Variants in IQCJ observed in about 807,000 individuals in gnomAD.
IQCJ encodes IQ domain-containing protein J.
Under a neutral mutation model 11.0 loss-of-function variants are expected in IQCJ, and 9 were observed. That is an observed-to-expected ratio of 0.82 (90% CI 0.49 to 1.43). The LOEUF (loss-of-function observed/expected upper bound fraction) is 1.43. Ranked by LOEUF, IQCJ falls within the 40% of genes most tolerant of loss-of-function variation. The probability of loss-of-function intolerance (pLI) is 0.00; values close to 1 mark genes in which losing one functional copy is unlikely to be tolerated. For missense variants in IQCJ, 146 were observed against 133.2 expected (o/e 1.10, Z -0.47); for synonymous variants, 55 against 51.3 (o/e 1.07, Z -0.31).
At chr3:159,091,673 T>TGCGCGCGC (rs1717315003) in intron 1 of IQCJ, among the ~76,000 whole-genome samples, 6 of 11,022 alleles carry the variant, frequency 5.4e-4, no homozygotes, top group African/African-American at 9.8e-4. Context: ...CACACACGCA[T>TGCGCGCGC]GCACACACAC....
intron 1 of IQCJ, among the ~76,000 whole-genome samples, chr3:159,184,548 G>T (rs1363672473): frequency 6.6e-6 from 1 of 152,040 alleles, no homozygotes; most frequent in Non-Finnish European, 1.5e-5. Context: ...CTTTTTAGCT[G>T]GTGTATTCCC....
At chr3:159,187,136 T>C (rs776831965) in intron 1 of IQCJ, among the ~76,000 whole-genome samples, 1 of 152,244 alleles carries the variant, frequency 6.6e-6, no homozygotes, top group Non-Finnish European at 1.5e-5. Context: ...TCAGCATTTA[T>C]TTTATTCAGC....
intron 3 of IQCJ, among the ~76,000 whole-genome samples, chr3:159,253,613 AC>A (rs1727727615): frequency 9.8e-5 from 2 of 20,398 alleles, no homozygotes; most frequent in African/African-American, 2.2e-4. Context: ...CCTCACAAAC[AC>A]ACACACACAC....
chr3:159,258,499 T>G (rs1171715140), intron 3 of IQCJ, among the ~76,000 whole-genome samples: 2 of 152,144 alleles, frequency 1.3e-5, no homozygotes, highest in Admixed American at 6.5e-5. Context: ...TCTACCCATG[T>G]GATAATCATG....
chr3:159,129,242 A>G (rs1719853032), intron 1 of IQCJ, among the ~76,000 whole-genome samples: 1 of 152,162 alleles, frequency 6.6e-6, no homozygotes, highest in Non-Finnish European at 1.5e-5. Flanking sequence ...ACTAGCAGAA[A>G]GTTGGGATGA....
chr3:159,262,580 G>C lies in IQCJ; in HGVS notation c.188G>C (p.Arg63Pro). 1 of 1,613,802 alleles carries C rather than the reference G, an allele frequency of 6.2e-7. No homozygotes were observed. ...IQRAWREYLQ[R>P]QEPLGKRSPS... ...CGAGCATGGCGAGAGTACCTGCAGC[G>C]GCAGGAGCCCCTGGGGAAGAGGAGC... The change falls in exon 4 of 4, where the codon CGG becomes CCG. Residue 63 changes from arginine (R) to proline (P), a missense_variant. Physicochemically the swap from Arg to Pro is moderately radical, Grantham distance 103. Transcript: ENST00000397832.
intron 1 of IQCJ, among the ~76,000 whole-genome samples, chr3:159,114,973 T>C (rs568143758): frequency 4.3e-4 from 65 of 152,306 alleles, no homozygotes; most frequent in African/African-American, 1.6e-3. Flanking sequence ...GCTTTAAAAA[T>C]AGCACATCAA....
intron 1 of IQCJ, among the ~76,000 whole-genome samples, chr3:159,188,131 C>T (rs13071140): frequency 0.13 from 20,478 of 152,224 alleles, 1,537 homozygotes; most frequent in Middle Eastern, 0.2. Context: ...AATACTTTGG[C>T]CGGGCGCTGT....
intron 1 of IQCJ, among the ~76,000 whole-genome samples, chr3:159,175,382 G>A (rs566227231): frequency 1.3e-5 from 2 of 152,242 alleles, no homozygotes; most frequent in African/African-American, 4.8e-5. Context: ...GAAGTGGGAG[G>A]ATCACTTGAG....
intron 1 of IQCJ, among the ~76,000 whole-genome samples, chr3:159,146,798 C>G (rs1720948477): frequency 6.6e-6 from 1 of 152,220 alleles, no homozygotes; most frequent in Non-Finnish European, 1.5e-5. Context: ...ATTAATTCAT[C>G]AGCTGTATCT....
chr3:159,094,387 G>C (rs73027606), intron 1 of IQCJ, among the ~76,000 whole-genome samples: 1,048 of 82,246 alleles, frequency 0.013, 36 homozygotes, highest in African/African-American at 0.044. Context: ...GATCTTTTTT[G>C]TTTTAATTCT....
intron 1 of IQCJ, among the ~76,000 whole-genome samples, chr3:159,211,266 A>C (rs1332050478): frequency 2.0e-5 from 3 of 152,230 alleles, no homozygotes; most frequent in African/African-American, 7.2e-5. Context: ...GAAGTAGATA[A>C]GCATTGGTTC....
At chr3:159,114,414 G>A (rs897781553) in intron 1 of IQCJ, among the ~76,000 whole-genome samples, 2 of 151,312 alleles carry the variant, frequency 1.3e-5, no homozygotes, top group East Asian at 1.9e-4. Flanking sequence ...AGGTTCAAGC[G>A]ATCCTCCTGC....
At position 159,159,987 on chromosome 3, in the gene IQCJ, C is replaced by A. The variant is rs185155822; in HGVS notation, c.10-85856C>A. Among the ~76,000 whole-genome samples, 350 of 152,268 alleles carry A rather than the reference C, an allele frequency of 2.3e-3. 2 individuals carry two copies. The highest frequency in any genetic ancestry group is 8.1e-3 in the African/African-American group (335 of 41,558). On this transcript the variant is annotated intron_variant, in intron 1 of 3. Coordinates refer to ENST00000397832, the MANE Select transcript of IQCJ (RefSeq NM_001042706.3). ...GCAGAACTGTGAGCCAAATAAACTT[C>A]TTTTCATTATAAATTACCCATCCTC...
At chr3:159,111,635 AG>A (rs1256443391) in intron 1 of IQCJ, among the ~76,000 whole-genome samples, 2 of 152,250 alleles carry the variant, frequency 1.3e-5, no homozygotes, top group South Asian at 4.1e-4. Flanking sequence ...AAAGACCAGG[AG>A]GGGCCAAATG....
chr3:159,130,159 G>C (rs1050126074), intron 1 of IQCJ, among the ~76,000 whole-genome samples: 1 of 152,088 alleles, frequency 6.6e-6, no homozygotes, highest in Non-Finnish European at 1.5e-5. Flanking sequence ...AGAATGTTAT[G>C]TAAATAGAAT....
intron 1 of IQCJ, among the ~76,000 whole-genome samples, chr3:159,209,121 C>G (rs1724811833): frequency 3.3e-5 from 5 of 152,150 alleles, no homozygotes. Flanking sequence ...CTGCCACACC[C>G]CCTGATCCTG....
At chr3:159,246,000 A>T in intron 2 of IQCJ, 93 bp downstream of exon 2, 1 of 971,594 alleles carries the variant, frequency 1.0e-6, no homozygotes, top group Non-Finnish European at 1.5e-6. Context: ...AGTAAATTGG[A>T]CAGTTTCTTA....
At chr3:159,113,471 C>T (rs1452951331) in intron 1 of IQCJ, among the ~76,000 whole-genome samples, 3 of 152,174 alleles carry the variant, frequency 2.0e-5, no homozygotes, top group South Asian at 2.1e-4. Flanking sequence ...CTTGTGACAG[C>T]GTCTGTCACA....
Sources: allele counts gnomAD v4.1 joint callset (sites outside exome capture counted in the v4.1 genomes callset), GRCh38; gene constraint gnomAD v4.1.1; transcripts MANE v1.5; gene names NCBI Gene and HGNC (gene_info 2026-07-23, HGNC 2026-07-21).